The following TENM1 variants were observed in gnomAD, a reference collection of about 807,000 sequenced individuals.
The protein encoded by TENM1 is teneurin transmembrane protein 1, also known as teneurin-1.
In TENM1, 35 loss-of-function variants were observed where a neutral mutation model predicts 174.8. The observed-to-expected ratio is 0.20, with a 90% CI of 0.15 to 0.27. The LOEUF is 0.27. Ranked by LOEUF, TENM1 falls within the 10% of genes least tolerant of loss-of-function variation. TENM1 has a pLI of 1.00. For synonymous variants in TENM1, 781 were observed against 798.7 expected, an observed-to-expected ratio of 0.98 and a Z score of 0.37; for missense variants, 1,633 against 2,130.1, an observed-to-expected ratio of 0.77 and a Z score of 4.59.
Position 124,469,604 on chromosome X carries a change from A to T in TENM1, c.3949+12128T>A, listed in dbSNP as rs146489544. ...CTAAAAAGTCTGCCCACCTGCCTTA[A>T]ATATATTATATCTTTACGACAGGAA... On this transcript the variant is annotated intron_variant, in intron 22 of 31. Transcript: ENST00000422452. Among the ~76,000 whole-genome samples, 881 of 111,741 alleles carry T rather than the reference A, an allele frequency of 7.9e-3. 11 individuals carry two copies. Among genetic ancestry groups the T allele is most frequent in the African/African-American group, 0.027 (836 of 30,740 alleles).
the TENM1 span, among the ~76,000 whole-genome samples, chrX:125,164,436 T>G: frequency 8.9e-6 from 1 of 112,143 alleles, no homozygotes; most frequent in East Asian, 2.8e-4. Context: ...CTCCAGATTG[T>G]AGATCTTCCT....
At chrX:124,584,413 G>T (rs2049430402) in intron 11 of TENM1, among the ~76,000 whole-genome samples, 1 of 110,548 alleles carries the variant, frequency 9.0e-6, no homozygotes, top group African/African-American at 3.3e-5. Context: ...TTTTAACCCA[G>T]AATTTCATAT....
chrX:124,451,533 A>T (rs1445333329), intron 23 of TENM1, among the ~76,000 whole-genome samples: 10 of 111,941 alleles, frequency 8.9e-5, no homozygotes, highest in African/African-American at 2.6e-4. Context: ...TTAAAGTTCA[A>T]ATGGAACCAA....
chrX:125,106,611 G>A, the TENM1 span, among the ~76,000 whole-genome samples: 7 of 110,479 alleles, frequency 6.3e-5, no homozygotes, highest in East Asian at 2.9e-4. Flanking sequence ...GCGTTTCACC[G>A]TGTTAGCCAG....
chrX:125,045,829 C>T, the TENM1 span, among the ~76,000 whole-genome samples: 3 of 112,008 alleles, frequency 2.7e-5, no homozygotes, highest in African/African-American at 6.5e-5. Context: ...ACATCAGTGA[C>T]TCATTCAGTT....
intron 3 of TENM1, among the ~76,000 whole-genome samples, chrX:124,804,862 G>T: frequency 9.0e-6 from 1 of 111,594 alleles, no homozygotes; most frequent in African/African-American, 3.3e-5. Context: ...TTTGTGGAGG[G>T]AATAATGGAT....
intron 5 of TENM1, among the ~76,000 whole-genome samples, chrX:124,678,346 AT>A (rs993676016): frequency 9.0e-6 from 1 of 111,427 alleles, no homozygotes; most frequent in Non-Finnish European, 1.9e-5. Context: ...ATATATTTAC[AT>A]TTTTTAAATG....
exon 30 of TENM1, chrX:124,384,393 T>C: frequency 8.3e-7 from 1 of 1,211,352 alleles, no homozygotes. Flanking sequence ...AGATCGTAAC[T>C]ATAACGCCAC....
intron 22 of TENM1, among the ~76,000 whole-genome samples, chrX:124,462,525 C>T (rs1019963864): frequency 1.8e-5 from 2 of 109,409 alleles, no homozygotes; most frequent in African/African-American, 3.4e-5. Flanking sequence ...ATCCTATTCA[C>T]CTTTTAAGGC....
chrX:124,420,001 T>C (rs73546647), intron 25 of TENM1, among the ~76,000 whole-genome samples: 1,324 of 112,099 alleles, frequency 0.012, 18 homozygotes, highest in African/African-American at 0.04. Flanking sequence ...TTGTACCTTA[T>C]CTTCCCAGGG....
chrX:125,169,407 C>T, the TENM1 span, among the ~76,000 whole-genome samples: 13 of 111,466 alleles, frequency 1.2e-4, no homozygotes, highest in African/African-American at 1.6e-4. Flanking sequence ...TTCCAATGAA[C>T]GGGCTAACAA....
rs867267792 is a variant in TENM1, at chrX:124,642,766, T to G, written c.1877-775A>C. 4.5e-5 allele frequency among the ~76,000 whole-genome samples: 5 copies of G among 112,101 alleles called. No individual in the cohort carries two copies. The Admixed American group carries it at 4.7e-4, about 11-fold the overall frequency. On this transcript the variant is annotated intron_variant, in intron 10 of 31. Transcript: ENST00000422452. ...GTGCTTGCCTGGGGGAAAAATTGTT[T>G]TGTGATTTTAACTAGTAACCATTCC...
At chrX:125,040,046 C>T in the TENM1 span, among the ~76,000 whole-genome samples, 1 of 111,659 alleles carries the variant, frequency 9.0e-6, no homozygotes, top group East Asian at 2.8e-4. Context: ...CAACTGATTA[C>T]AATTTTTTCA....
chrX:124,377,623 C>T (rs2060116753), exon 32 of TENM1: 1 of 111,220 alleles, frequency 9.0e-6, no homozygotes, highest in African/African-American at 3.3e-5. Flanking sequence ...AAAGCACAAA[C>T]AAAATGGGCT....
At chrX:124,380,798 A>G (rs2147563505) in exon 32 of TENM1, 1 of 1,211,566 alleles carries the variant, frequency 8.3e-7, no homozygotes, top group Non-Finnish European at 1.1e-6. Context: ...TTCCTCTTCG[A>G]CAGTTGTCCC....
At chrX:124,869,542 G>A (rs2057070088) in intron 3 of TENM1, among the ~76,000 whole-genome samples, 1 of 111,416 alleles carries the variant, frequency 9.0e-6, no homozygotes, top group Non-Finnish European at 1.9e-5. Context: ...TTGCAGCAGT[G>A]TTTACAATAG....
At chrX:125,166,618 T>C in the TENM1 span, among the ~76,000 whole-genome samples, 1 of 111,875 alleles carries the variant, frequency 8.9e-6, no homozygotes, top group Non-Finnish European at 1.9e-5. Flanking sequence ...AATATTTGGA[T>C]GTGAAGACTG....
chrX:125,070,706 C>T, the TENM1 span, among the ~76,000 whole-genome samples: 459 of 111,671 alleles, frequency 4.1e-3, 5 homozygotes, highest in African/African-American at 0.014. Context: ...ATCTAAAGGA[C>T]TGTAATGTGG....
At chrX:125,024,166 A>G in the TENM1 span, among the ~76,000 whole-genome samples, 3 of 111,625 alleles carry the variant, frequency 2.7e-5, no homozygotes, top group Non-Finnish European at 5.6e-5. Flanking sequence ...GGAAAACAGT[A>G]TGGAGATTTC....
Sources: allele counts gnomAD v4.1 joint callset (sites outside exome capture counted in the v4.1 genomes callset), GRCh38; gene constraint gnomAD v4.1.1; transcripts MANE v1.5; gene names NCBI Gene and HGNC (gene_info 2026-07-23, HGNC 2026-07-21).